SSBP3: variants seen among roughly 807,000 people sequenced by gnomAD.
SSBP3 encodes single-stranded DNA-binding protein 3.
In SSBP3, 5 loss-of-function variants were observed where a neutral mutation model predicts 69.6. The observed-to-expected ratio is 0.07, with a 90% CI of 0.04 to 0.15. The LOEUF (loss-of-function observed/expected upper bound fraction) is 0.15, where lower values mean the gene tolerates loss of function less well. SSBP3 is among the 10% of genes least tolerant of loss of function. The pLI, the probability that SSBP3 is intolerant of heterozygous loss-of-function variation, is 1.00. For missense variants in SSBP3, 312 were observed against 534.0 expected (o/e 0.58, Z 4.10); for synonymous variants, 196 against 193.4 (o/e 1.01, Z -0.11).
intron 4 of SSBP3, among the ~76,000 whole-genome samples, chr1:54,282,071 T>TAATAATAATAATAATAATAATAATAAA (rs984653416): frequency 6.6e-6 from 1 of 150,604 alleles, no homozygotes; most frequent in Admixed American, 6.6e-5. Flanking sequence ...ATAATAATAA[T>TAATAATAATAATAATAATAATAATAAA]AAAAAAATGG....
At chr1:54,249,625 T>C (rs1319317601) in intron 9 of SSBP3, among the ~76,000 whole-genome samples, 1 of 151,692 alleles carries the variant, frequency 6.6e-6, no homozygotes, top group Non-Finnish European at 1.5e-5. Flanking sequence ...ATGATGCCAC[T>C]GCACTCCAGC....
intron 5 of SSBP3, among the ~76,000 whole-genome samples, chr1:54,261,518 C>T (rs1251636530): frequency 6.6e-6 from 1 of 152,210 alleles, no homozygotes; most frequent in Non-Finnish European, 1.5e-5. Flanking sequence ...ACCCAGCAGG[C>T]AGGCAGAGTG....
At chr1:54,297,715 A>C (rs978101126) in intron 4 of SSBP3, among the ~76,000 whole-genome samples, 1 of 152,168 alleles carries the variant, frequency 6.6e-6, no homozygotes, top group African/African-American at 2.4e-5. Flanking sequence ...GCTGGGAACA[A>C]AGATGCCACA....
intron 4 of SSBP3, among the ~76,000 whole-genome samples, chr1:54,397,153 C>T (rs1485025715): frequency 6.6e-6 from 1 of 152,218 alleles, no homozygotes; most frequent in East Asian, 1.9e-4. Flanking sequence ...CGTGAACTTG[C>T]CAGGACCTCT....
At chr1:54,409,624 C>T (rs1325151347), upstream of SSBP3, among the ~76,000 whole-genome samples, 3 of 152,288 alleles carry the variant, frequency 2.0e-5, no homozygotes, top group South Asian at 2.1e-4. Flanking sequence ...CAGCCACACC[C>T]TCCTAAACTA....
chr1:54,364,264 T>C (rs1646994357), intron 4 of SSBP3, among the ~76,000 whole-genome samples: 1 of 152,222 alleles, frequency 6.6e-6, no homozygotes, highest in Non-Finnish European at 1.5e-5. Flanking sequence ...CCTGAAATAT[T>C]TACTCTCTGG....
chr1:54,311,218 G>A (rs967629229), intron 4 of SSBP3, among the ~76,000 whole-genome samples: 3 of 152,140 alleles, frequency 2.0e-5, no homozygotes, highest in Admixed American at 6.5e-5. Context: ...GGCTCAAGAC[G>A]GAAATCCACC....
rs1475876834 is a variant in SSBP3, at chr1:54,396,854, T to A, written c.276+5007A>T. Among the ~76,000 whole-genome samples the A allele has an allele frequency of 2.0e-5, 3 of 152,168 alleles. No individual in the cohort carries two copies. The East Asian group carries it at 5.8e-4, about 29-fold the overall frequency. ...GAAATAAAGGGCAAGGATTTGCAAT[T>A]TGGGGTCTTGCCGCCACTTGAAACC... On this transcript the variant is annotated intron_variant, in intron 4 of 17. Transcript: ENST00000610401.
chr1:54,391,474 C>T (rs1325579296), intron 4 of SSBP3, among the ~76,000 whole-genome samples: 9 of 152,230 alleles, frequency 5.9e-5, no homozygotes, highest in Admixed American at 5.9e-4. Flanking sequence ...TAAAGCTACG[C>T]TCTGCCCCTC....
At chr1:54,355,301 A>G (rs112343243) in intron 4 of SSBP3, among the ~76,000 whole-genome samples, 36 of 152,336 alleles carry the variant, frequency 2.4e-4, no homozygotes, top group African/African-American at 7.7e-4. Context: ...TAAATACAAG[A>G]GGAGGGCACC....
chr1:54,308,767 CAAA>C (rs1190626099), intron 4 of SSBP3, among the ~76,000 whole-genome samples: 1 of 149,276 alleles, frequency 6.7e-6, no homozygotes, highest in Non-Finnish European at 1.5e-5. Flanking sequence ...GACTCAGTCT[CAAA>C]AAAAAAGAAG....
chr1:54,275,118 G>A (rs1557485189), intron 5 of SSBP3, among the ~76,000 whole-genome samples: 1 of 152,186 alleles, frequency 6.6e-6, no homozygotes, highest in Non-Finnish European at 1.5e-5. Context: ...CCCCTTGAGG[G>A]CAGGGTCCGT....
intron 4 of SSBP3, among the ~76,000 whole-genome samples, chr1:54,363,444 T>C (rs78672781): frequency 2.6e-5 from 4 of 152,228 alleles, no homozygotes; most frequent in Non-Finnish European, 5.9e-5. Context: ...CAGATGACTA[T>C]GCTACCAAAT....
intron 4 of SSBP3, among the ~76,000 whole-genome samples, chr1:54,360,363 G>A (rs761824877): frequency 2.9e-4 from 44 of 152,154 alleles, no homozygotes; most frequent in Admixed American, 7.9e-4. Flanking sequence ...TTCTAATACT[G>A]GCACACGATA....
chr1:54,328,619 A>G (rs1428574110), intron 4 of SSBP3, among the ~76,000 whole-genome samples: 4 of 152,116 alleles, frequency 2.6e-5, no homozygotes, highest in Non-Finnish European at 4.4e-5. Flanking sequence ...TGACATCTTC[A>G]CTCACATCTT....
chr1:54,241,856 C>T (rs1644644772), intron 11 of SSBP3, among the ~76,000 whole-genome samples: 1 of 152,244 alleles, frequency 6.6e-6, no homozygotes, highest in Admixed American at 6.5e-5. Flanking sequence ...TTACCCGCAC[C>T]TTCCAGCCCT....
chr1:54,334,740 A>G (rs1056768360), intron 4 of SSBP3, among the ~76,000 whole-genome samples: 2 of 152,232 alleles, frequency 1.3e-5, no homozygotes, highest in African/African-American at 4.8e-5. Flanking sequence ...CCTTGCGGAC[A>G]TGATACCTGT....
intron 4 of SSBP3, among the ~76,000 whole-genome samples, chr1:54,387,164 C>A (rs541428003): frequency 3.9e-5 from 6 of 152,248 alleles, no homozygotes; most frequent in Non-Finnish European, 7.3e-5. Context: ...AAAGCGCCCA[C>A]TGGGCTTCCT....
At chr1:54,277,884 C>G (rs1645319240) in intron 5 of SSBP3, among the ~76,000 whole-genome samples, 1 of 152,082 alleles carries the variant, frequency 6.6e-6, no homozygotes, top group Non-Finnish European at 1.5e-5. Flanking sequence ...TGGCCAAAGC[C>G]AAGCTGGGTT....
Sources: gnomAD v4.1 joint callset for allele counts (sites outside exome capture counted in the v4.1 genomes callset) on GRCh38, gnomAD v4.1.1 for gene constraint, MANE v1.5 for transcripts, NCBI Gene and HGNC (gene_info 2026-07-23, HGNC 2026-07-21) for gene names.